SHLD2: variants seen among roughly 807,000 people sequenced by gnomAD.
The protein encoded by SHLD2 is RINN1-REV7-interacting novel NHEJ regulator 2.
SHLD2 carries 30 observed loss-of-function variants against 73.2 expected under a neutral mutation model. That is an observed-to-expected ratio of 0.41 (90% CI 0.31 to 0.56). The LOEUF (loss-of-function observed/expected upper bound fraction) is 0.56, where lower values mean the gene tolerates loss of function less well. Among genes scored for constraint, SHLD2 ranks in the 20% least tolerant of loss-of-function variants. The probability of loss-of-function intolerance (pLI) is 0.28; values close to 1 mark genes in which losing one functional copy is unlikely to be tolerated. For missense variants in SHLD2, 745 were observed against 1,055.9 expected (o/e 0.71, Z 4.08); for synonymous variants, 285 against 370.1 (o/e 0.77, Z 2.64).
chr10:87,122,152 T>C (rs1443174796), intron 2 of SHLD2, among the ~76,000 whole-genome samples: 1 of 143,884 alleles, frequency 7.0e-6, no homozygotes, highest in African/African-American at 2.6e-5. Flanking sequence ...TTTTTCCATG[T>C]TGTCTTTCTC....
intron 2 of SHLD2, among the ~76,000 whole-genome samples, chr10:87,127,011 T>C (rs1844055978): frequency 6.6e-6 from 1 of 152,234 alleles, no homozygotes. Flanking sequence ...TTTTTTTTAC[T>C]AGCTGTGGGG....
At chr10:87,172,635 G>A (rs1847665980) in intron 6 of SHLD2, among the ~76,000 whole-genome samples, 1 of 151,634 alleles carries the variant, frequency 6.6e-6, no homozygotes, top group Admixed American at 6.6e-5. Context: ...TTGAGCCCAG[G>A]AGTTCAAGTT....
chr10:87,103,702 G>GT (rs1411853644), intron 2 of SHLD2, among the ~76,000 whole-genome samples: 1 of 152,176 alleles, frequency 6.6e-6, no homozygotes, highest in Non-Finnish European at 1.5e-5. Context: ...AAAAGGACCT[G>GT]TAATCTTCAG....
upstream of SHLD2, chr10:87,094,929 G>A (rs1564570176): frequency 5.2e-6 from 2 of 386,728 alleles, no homozygotes; most frequent in Non-Finnish European, 9.1e-6. This position sits in a 1 kb window ranked among gnomAD's most constrained non-coding sequence, Gnocchi z 6.6. Context: ...GCCACCTAAC[G>A]GGGAGGACGG....
At chr10:87,098,892 C>T (rs898029479) in intron 2 of SHLD2, among the ~76,000 whole-genome samples, 3 of 152,184 alleles carry the variant, frequency 2.0e-5, no homozygotes, top group Non-Finnish European at 4.4e-5. Context: ...CCTCCCACCT[C>T]AGCCTCCTGA....
chr10:87,188,018 C>G (rs1267323073), intron 9 of SHLD2, among the ~76,000 whole-genome samples: 1 of 152,216 alleles, frequency 6.6e-6, no homozygotes, highest in East Asian at 1.9e-4. Flanking sequence ...TAGCCCTCCA[C>G]TCTGCACCTG....
chr10:87,103,678 A>C (rs532172433), intron 2 of SHLD2, among the ~76,000 whole-genome samples: 1 of 152,322 alleles, frequency 6.6e-6, no homozygotes, highest in Non-Finnish European at 1.5e-5. Flanking sequence ...ACAATAACAG[A>C]AACTGTGTCA....
chr10:87,180,543 C>T (rs554993396), intron 8 of SHLD2, among the ~76,000 whole-genome samples: 2 of 152,260 alleles, frequency 1.3e-5, no homozygotes, highest in East Asian at 3.9e-4. Flanking sequence ...CTTCAAACAG[C>T]TGTACCAAAG....
chr10:87,119,348 C>A (rs1843444057), intron 2 of SHLD2, among the ~76,000 whole-genome samples: 1 of 152,184 alleles, frequency 6.6e-6, no homozygotes, highest in South Asian at 2.1e-4. Context: ...TCACTGTTGT[C>A]ATTTAAAATC....
Position 87,175,894 on chromosome 10 carries a change from A to G in SHLD2, c.1969A>G (p.Ile657Val), listed in dbSNP as rs774375338. ...YPQLQRKKGY[I>V]WEFKYLFVQC... ...TTTTTACTGTTTTTTTTAAGGTTAT[A>G]TTTGGGAATTTAAATATCTTTTTGT... Residue 657 changes from isoleucine to valine, a missense_variant, in exon 7 of 10, where the codon ATT becomes GTT. By Grantham distance (29) the Ile-to-Val change is conservative. Coordinates refer to ENST00000298786, the MANE Select transcript of SHLD2 (RefSeq NM_001330112.2). The G allele has an allele frequency of 6.5e-7, 1 of 1,549,542 alleles. No individual in the cohort carries two copies. Among genetic ancestry groups the G allele is most frequent in the South Asian group, 1.2e-5 (1 of 83,850 alleles).
chr10:87,128,385 C>G lies in SHLD2; in HGVS notation c.-5-22965C>G, dbSNP rs370615943. Among the ~76,000 whole-genome samples the G allele has an allele frequency of 2.6e-5, 4 of 152,316 alleles. No individual in the cohort carries two copies. The East Asian group carries it at 7.7e-4, about 29-fold the overall frequency. The stretch of plus-strand genomic sequence containing the variant: ...TTCCCATTTCCTTCACTTACTTTGT[C>G]AGTTTCATCATCTTGAAGAAGCCTT... On this transcript the variant is annotated intron_variant, in intron 2 of 9. Coordinates refer to ENST00000298786, the MANE Select transcript of SHLD2 (RefSeq NM_001330112.2).
intron 2 of SHLD2, among the ~76,000 whole-genome samples, chr10:87,121,762 C>CTT (rs571649405): frequency 2.1e-3 from 273 of 130,968 alleles, no homozygotes; most frequent in South Asian, 5.5e-3. Flanking sequence ...TTCTTTCTTT[C>CTT]TTTTTTTTTT....
chr10:87,172,109 A>G (rs1194220730), intron 6 of SHLD2, among the ~76,000 whole-genome samples: 4 of 152,224 alleles, frequency 2.6e-5, no homozygotes, highest in African/African-American at 7.2e-5. Context: ...TTGAAAACAT[A>G]TGAATCCAGG....
intron 2 of SHLD2, among the ~76,000 whole-genome samples, chr10:87,130,004 C>T (rs1274950033): frequency 1.3e-5 from 2 of 151,670 alleles, no homozygotes; most frequent in Admixed American, 6.6e-5. Context: ...TAATAAAATT[C>T]TTTTTAAATT....
intron 4 of SHLD2, among the ~76,000 whole-genome samples, chr10:87,163,226 ATGCTGTCCTTCC>A (rs1471458896): frequency 3.9e-5 from 6 of 152,194 alleles, no homozygotes; most frequent in Admixed American, 2.0e-4. Context: ...TGTATGTAGT[ATGCTGTCCTTCC>A]TGTACGAAGG....
intron 2 of SHLD2, among the ~76,000 whole-genome samples, chr10:87,146,439 G>A (rs1276751271): frequency 6.6e-6 from 1 of 151,924 alleles, no homozygotes; most frequent in East Asian, 1.9e-4. Context: ...GATTACAGGT[G>A]TGTGCCATCA....
At chr10:87,120,249 TA>T (rs1359399610) in intron 2 of SHLD2, among the ~76,000 whole-genome samples, 2 of 149,232 alleles carry the variant, frequency 1.3e-5, no homozygotes, top group African/African-American at 5.1e-5. Flanking sequence ...TTTATTTATT[TA>T]TTTATTTATT....
Position 87,170,507 on chromosome 10 carries a change from C to A in SHLD2, c.1663C>A (p.Gln555Lys), listed in dbSNP as rs1432260928. 3.5e-5 allele frequency: 56 copies of A among 1,603,034 alleles called. No homozygotes were observed. The highest frequency in any genetic ancestry group is 4.5e-5 in the Non-Finnish European group (53 of 1,176,580). ...CAGTGTAGTTAGTGAAGTTGTACTT[C>A]AAGACTTACTGGCATATGTGTCCTC... ...YSSVVSEVVL[Q>K]DLLAYVSSKH... is the part of the protein sequence containing the mutation. Residue 555 changes from glutamine to lysine, a missense_variant, in exon 5 of 10, where the codon CAA (glutamine) becomes AAA (lysine). Gln to Lys is a moderately conservative substitution (Grantham distance 53, BLOSUM62 1). Transcript: ENST00000298786.
intron 2 of SHLD2, among the ~76,000 whole-genome samples, chr10:87,126,532 C>A (rs1018087023): frequency 5.8e-4 from 88 of 151,778 alleles, no homozygotes; most frequent in Non-Finnish European, 8.4e-4. Context: ...TAAAAAAAAA[C>A]CCCAGGTAAA....
Sources: allele counts gnomAD v4.1 joint callset (sites outside exome capture counted in the v4.1 genomes callset), GRCh38; gene constraint gnomAD v4.1.1; non-coding constraint Gnocchi (gnomAD v3.1); transcripts MANE v1.5; gene names NCBI Gene and HGNC (gene_info 2026-07-23, HGNC 2026-07-21).